EPHA4: variants seen among roughly 807,000 people sequenced by gnomAD.
EPHA4 encodes the protein ephrin type-A receptor 4.
A neutral mutation model predicts 108.3 loss-of-function variants in EPHA4; 19 were observed. That is an observed-to-expected ratio of 0.18 (90% confidence interval 0.12 to 0.26). The LOEUF is 0.26. Ranked by LOEUF, EPHA4 falls within the 10% of genes least tolerant of loss-of-function variation. EPHA4 has a pLI of 1.00. For missense variants in EPHA4, 917 were observed against 1,254.0 expected, an observed-to-expected ratio of 0.73 and a Z score of 4.06; for synonymous variants, 449 against 455.5, an observed-to-expected ratio of 0.99 and a Z score of 0.18.
chr2:221,559,832 A>AT (rs1386135226), intron 3 of EPHA4, among the ~76,000 whole-genome samples: 1 of 152,210 alleles, frequency 6.6e-6, no homozygotes, highest in Non-Finnish European at 1.5e-5. Flanking sequence ...CCTGCGATAC[A>AT]TTCTCCTTGA....
chr2:221,460,347 G>T (rs1176230748), intron 5 of EPHA4, among the ~76,000 whole-genome samples: 3 of 152,212 alleles, frequency 2.0e-5, no homozygotes, highest in Non-Finnish European at 4.4e-5. Context: ...GTTGACATTT[G>T]TCTTTCATAC....
chr2:221,534,419 C>G (rs1230199194), intron 3 of EPHA4, among the ~76,000 whole-genome samples: 1 of 152,152 alleles, frequency 6.6e-6, no homozygotes, highest in African/African-American at 2.4e-5. Context: ...TTCTCATTAC[C>G]TGCAAGTGCT....
At chr2:221,572,104 A>G (rs1694858551) in intron 1 of EPHA4, 54 bp downstream of exon 1, 1 of 1,482,872 alleles carries the variant, frequency 6.7e-7, no homozygotes, top group African/African-American at 1.4e-5. Flanking sequence ...AGGACCCCTC[A>G]CCCGCGATGG....
chr2:221,518,935 G>A (rs1444382788), intron 3 of EPHA4, among the ~76,000 whole-genome samples: 1 of 152,110 alleles, frequency 6.6e-6, no homozygotes, highest in Non-Finnish European at 1.5e-5. Context: ...TATGAAACCA[G>A]AGAGCAGAGT....
chr2:221,508,937 TCTTA>T lies in EPHA4; in HGVS notation c.824-7769_824-7766del, dbSNP rs575685311. Among the ~76,000 whole-genome samples, 622 of 152,340 alleles carry T rather than the reference TCTTA, an allele frequency of 4.1e-3. 1 individual carries two copies. Among genetic ancestry groups the T allele is most frequent in the Non-Finnish European group, 6.7e-3 (459 of 68,042 alleles). ...ACAAGTATTAAATAACACAGTTAAT[TCTTA>T]CTTATTTTATTTCAAGTATTTGTTT... On this transcript the variant is annotated intron_variant, in intron 3 of 17. Coordinates refer to ENST00000281821, the MANE Select transcript of EPHA4 (RefSeq NM_004438.5).
chr2:221,545,903 G>A (rs535667049), intron 3 of EPHA4, among the ~76,000 whole-genome samples: 1 of 152,312 alleles, frequency 6.6e-6, no homozygotes, highest in South Asian at 2.1e-4. Context: ...CTGAGCAGAT[G>A]CTTAGGAAAG....
In EPHA4 at chr2:221,456,670, T is replaced by C; in HGVS notation, c.1546A>G (p.Arg516Gly). ...LTSYVFHVRA[R>G]TAAGYGDFSE... ...AAGTCTCCATAGCCAGCTGCTGTCCTGGCTCGCACGTGGAAAACATAGGAA... is the reference window on the plus strand; with the variant it reads ...AAGTCTCCATAGCCAGCTGCTGTCCCGGCTCGCACGTGGAAAACATAGGAA... Residue 516 changes from arginine (R) to glycine (G), a missense_variant, in exon 7 of 18, where the codon AGG (arginine) becomes GGG (glycine). Arg to Gly is a moderately radical substitution (Grantham distance 125). Coordinates refer to ENST00000281821, the MANE Select transcript of EPHA4 (RefSeq NM_004438.5). 1 of 1,613,980 alleles carries C rather than the reference T, an allele frequency of 6.2e-7. No individual in the cohort carries two copies. Among genetic ancestry groups the C allele is most frequent in the Non-Finnish European group, 8.5e-7 (1 of 1,179,890 alleles).
intron 4 of EPHA4, among the ~76,000 whole-genome samples, chr2:221,483,468 T>C (rs894950565): frequency 1.3e-5 from 2 of 151,730 alleles, no homozygotes; most frequent in Non-Finnish European, 2.9e-5. Flanking sequence ...AGACTATAGA[T>C]CATGATGAAA....
intron 1 of EPHA4, among the ~76,000 whole-genome samples, chr2:221,569,671 C>G (rs948797820): frequency 7.9e-5 from 12 of 152,096 alleles, no homozygotes; most frequent in African/African-American, 2.9e-4. Flanking sequence ...GATCTGCAGT[C>G]CTGGGGGTCG....
chr2:221,445,417 A>G (rs957176332), intron 9 of EPHA4, among the ~76,000 whole-genome samples: 2 of 151,870 alleles, frequency 1.3e-5, no homozygotes, highest in Non-Finnish European at 2.9e-5. Flanking sequence ...GTGAAATCCC[A>G]TCTCTACTAA....
intron 3 of EPHA4, among the ~76,000 whole-genome samples, chr2:221,560,894 G>A (rs1694441358): frequency 6.6e-6 from 1 of 152,130 alleles, no homozygotes; most frequent in South Asian, 2.1e-4. Context: ...ATCAAGGATA[G>A]GGCCAACTGT....
chr2:221,424,229 T>A (rs1201945100), intron 17 of EPHA4, among the ~76,000 whole-genome samples: 1 of 152,000 alleles, frequency 6.6e-6, no homozygotes, highest in Non-Finnish European at 1.5e-5. Context: ...CCTAGACTTC[T>A]GCAAAAGTGG....
At chr2:221,508,899 T>C (rs961480888) in intron 3 of EPHA4, among the ~76,000 whole-genome samples, 2 of 62,288 alleles carry the variant, frequency 3.2e-5, no homozygotes, top group Admixed American at 1.6e-4. Flanking sequence ...TTGTTGTTTT[T>C]TGATACTGTT....
intron 4 of EPHA4, among the ~76,000 whole-genome samples, chr2:221,486,524 T>A (rs891772520): frequency 1.3e-5 from 2 of 151,724 alleles, no homozygotes; most frequent in Non-Finnish European, 2.9e-5. Context: ...GTCAGGAGTT[T>A]AAGACCAGCC....
At chr2:221,481,611 G>A (rs959552829) in intron 5 of EPHA4, among the ~76,000 whole-genome samples, 3 of 152,004 alleles carry the variant, frequency 2.0e-5, no homozygotes, top group African/African-American at 7.2e-5. Flanking sequence ...CCGAGATCAC[G>A]CCACTGCATT....
intron 14 of EPHA4, 117 bp downstream of exon 14, chr2:221,434,025 T>C: frequency 1.0e-6 from 1 of 992,072 alleles, no homozygotes; most frequent in South Asian, 1.7e-5. Flanking sequence ...TATATCTGTA[T>C]TAAGAAATTT....
intron 4 of EPHA4, among the ~76,000 whole-genome samples, chr2:221,486,208 C>A (rs1451977072): frequency 6.6e-6 from 1 of 152,076 alleles, no homozygotes; most frequent in African/African-American, 2.4e-5. Context: ...GTACATACAC[C>A]CATCGGGTAG....
chr2:221,439,961 G>C (rs750520059), intron 11 of EPHA4, among the ~76,000 whole-genome samples: 47 of 152,086 alleles, frequency 3.1e-4, no homozygotes, highest in Admixed American at 1.8e-3. Flanking sequence ...TCGGACTCTT[G>C]GCACCATCTT....
chr2:221,509,870 G>A (rs1692773113), intron 3 of EPHA4, among the ~76,000 whole-genome samples: 1 of 152,158 alleles, frequency 6.6e-6, no homozygotes, highest in Non-Finnish European at 1.5e-5. Flanking sequence ...GAGACATAAC[G>A]GGAAAGGCCT....
Sources: allele counts gnomAD v4.1 joint callset (sites outside exome capture counted in the v4.1 genomes callset), GRCh38; gene constraint gnomAD v4.1.1; transcripts MANE v1.5; gene names NCBI Gene and HGNC (gene_info 2026-07-23, HGNC 2026-07-21).